The following PALM2AKAP2 variants were observed in gnomAD, a reference collection of about 807,000 sequenced individuals.
PALM2AKAP2 encodes the protein PALM2-AKAP2 fusion protein.
A neutral mutation model predicts 71.5 loss-of-function variants in PALM2AKAP2; 37 were observed. The observed-to-expected ratio is 0.52, with a 90% CI of 0.40 to 0.68. The LOEUF (loss-of-function observed/expected upper bound fraction) is 0.68. Among genes scored for constraint, PALM2AKAP2 ranks in the 30% least tolerant of loss-of-function variants. The probability of loss-of-function intolerance (pLI) is 0.00; values close to 1 mark genes in which losing one functional copy is unlikely to be tolerated. For synonymous variants in PALM2AKAP2, 468 were observed against 478.8 expected (o/e 0.98, Z 0.29); for missense variants, 1,224 against 1,191.8 (o/e 1.03, Z -0.40).
intron 1 of PALM2AKAP2, among the ~76,000 whole-genome samples, chr9:109,818,265 A>G (rs746326924): frequency 2.0e-5 from 3 of 152,192 alleles, no homozygotes; most frequent in Non-Finnish European, 4.4e-5. Flanking sequence ...CCTTGAATAC[A>G]AATAATCTTT....
chr9:109,970,441 C>A (rs961227383), intron 6 of PALM2AKAP2, among the ~76,000 whole-genome samples: 9 of 152,184 alleles, frequency 5.9e-5, no homozygotes, highest in African/African-American at 2.2e-4. Flanking sequence ...TCCTTCTTCA[C>A]CTCTAGAAAT....
In PALM2AKAP2 at chr9:110,125,482, T is replaced by C. The variant is rs769850756; in HGVS notation, c.157-10645T>C. The C allele has an allele frequency of 2.8e-4, 274 of 984,858 alleles. 1 individual carries two copies. The highest frequency in any genetic ancestry group is 3.2e-4 in the Non-Finnish European group (266 of 829,514). The allele number at this position is 984,858 out of a possible 1,614,324, so 61.0% of individuals were successfully genotyped here. A position where few individuals can be genotyped will look rare whatever the true frequency, so the allele number is the denominator to read the frequency against. The stretch of plus-strand genomic sequence containing the variant: ...GAGGGCCCACGGTGACATCACAGTC[T>C]TCCGTCAGGAGGCTCAGGAGGAATT... On this transcript the variant is annotated intron_variant, in intron 1 of 3. Transcript: ENST00000374525.
chr9:109,659,047 A>G (rs1179787217), intron 1 of PALM2AKAP2, among the ~76,000 whole-genome samples: 1 of 152,224 alleles, frequency 6.6e-6, no homozygotes, highest in African/African-American at 2.4e-5. Flanking sequence ...TGAACTATGA[A>G]TGGAAAAGAT....
At chr9:110,074,420 G>A (rs1295030406) in intron 1 of PALM2AKAP2, among the ~76,000 whole-genome samples, 1 of 152,134 alleles carries the variant, frequency 6.6e-6, no homozygotes, top group Non-Finnish European at 1.5e-5. Context: ...AGCCTAGATT[G>A]GATCATTTTA....
chr9:110,087,293 A>G (rs140597313), intron 1 of PALM2AKAP2, among the ~76,000 whole-genome samples: 1 of 152,288 alleles, frequency 6.6e-6, no homozygotes, highest in Non-Finnish European at 1.5e-5. Context: ...TCTTAATACT[A>G]TTAATGTGTC....
At chr9:109,881,459 G>A (rs1030992636) in intron 3 of PALM2AKAP2, among the ~76,000 whole-genome samples, 7 of 152,206 alleles carry the variant, frequency 4.6e-5, no homozygotes, top group African/African-American at 1.2e-4. Flanking sequence ...TGTGAAAACT[G>A]TAGTCAACAG....
chr9:110,135,164 A>AAATATATATATATATATATATAT, intron 1 of PALM2AKAP2, among the ~76,000 whole-genome samples: 3 of 51,698 alleles, frequency 5.8e-5, no homozygotes, highest in South Asian at 7.4e-4. Context: ...AAAAAAAAAA[A>AAATATATATATATATATATATAT]ATATATAAAT....
At chr9:109,692,549 A>G (rs1827913883) in intron 1 of PALM2AKAP2, among the ~76,000 whole-genome samples, 2 of 152,032 alleles carry the variant, frequency 1.3e-5, no homozygotes, top group African/African-American at 2.4e-5. Flanking sequence ...GTTTTTCACC[A>G]TTAGGTATCA....
rs534678846 is a variant in PALM2AKAP2, at chr9:110,100,473, T to C, written c.157-35654T>C. 1.6e-4 allele frequency among the ~76,000 whole-genome samples: 25 copies of C among 152,128 alleles called. 1 individual carries two copies. The East Asian group carries it at 4.8e-3, about 29-fold the overall frequency. On this transcript the variant is annotated intron_variant, in intron 1 of 3. Coordinates refer to ENST00000374525, the Ensembl canonical transcript of PALM2AKAP2. ...TCAGGTTTTGGTTCCTATAAGATGGTGATTCCCTTCCCCCACAAAGGCCTT... is the reference window on the plus strand; with the variant it reads ...TCAGGTTTTGGTTCCTATAAGATGGCGATTCCCTTCCCCCACAAAGGCCTT...
chr9:109,867,246 A>G (rs1176348914), intron 1 of PALM2AKAP2: 1 of 442,732 alleles, frequency 2.3e-6, no homozygotes, highest in Non-Finnish European at 4.3e-6. Flanking sequence ...TTTGGATTAA[A>G]TTCTTGCAGC....
At chr9:109,835,245 A>AGGAGAGGGTTTAGGGAAAGG (rs1828431208) in intron 1 of PALM2AKAP2, among the ~76,000 whole-genome samples, 1 of 104,240 alleles carries the variant, frequency 9.6e-6, no homozygotes, top group Non-Finnish European at 1.9e-5. Flanking sequence ...TTAGGGAAAG[A>AGGAGAGGGTTTAGGGAAAGG]GGAGAGGGTG....
At chr9:109,981,553 T>C (rs1220479877) in intron 6 of PALM2AKAP2, among the ~76,000 whole-genome samples, 1 of 152,196 alleles carries the variant, frequency 6.6e-6, no homozygotes, top group African/African-American at 2.4e-5. Flanking sequence ...AACAGGCTAA[T>C]AAGGAATTAA....
intron 1 of PALM2AKAP2, among the ~76,000 whole-genome samples, chr9:109,720,297 C>A (rs1828385761): frequency 6.6e-6 from 1 of 151,932 alleles, no homozygotes; most frequent in Non-Finnish European, 1.5e-5. Flanking sequence ...CCTATATTTT[C>A]ATTCTTTAGT....
chr9:110,112,370 AAATT>A (rs1835271706), intron 1 of PALM2AKAP2, among the ~76,000 whole-genome samples: 1 of 152,298 alleles, frequency 6.6e-6, no homozygotes, highest in African/African-American at 2.4e-5. Context: ...GTCTTTGGGC[AAATT>A]ACTTAAGCTC....
chr9:110,094,152 G>A (rs1834780021), intron 1 of PALM2AKAP2, among the ~76,000 whole-genome samples: 1 of 152,176 alleles, frequency 6.6e-6, no homozygotes, highest in East Asian at 1.9e-4. Flanking sequence ...TGGCAACATT[G>A]TTGGATACAT....
intron 3 of PALM2AKAP2, among the ~76,000 whole-genome samples, chr9:109,916,912 A>AC (rs1303236767): frequency 6.6e-6 from 1 of 152,034 alleles, no homozygotes; most frequent in Non-Finnish European, 1.5e-5. Context: ...AGAATAATGG[A>AC]CCCCCAGAGA....
upstream of PALM2AKAP2, chr9:110,048,648 C>T (rs969090859): frequency 4.8e-6 from 7 of 1,462,222 alleles, no homozygotes; most frequent in Middle Eastern, 2.4e-4. Flanking sequence ...CAGGAGCAGG[C>T]GGGCGGGGCT....
At chr9:109,694,035 C>T (rs1426484170) in intron 1 of PALM2AKAP2, among the ~76,000 whole-genome samples, 3 of 152,058 alleles carry the variant, frequency 2.0e-5, no homozygotes, top group East Asian at 3.9e-4. Flanking sequence ...CCCCAATCTC[C>T]CCCTTCCCCA....
intron 3 of PALM2AKAP2, among the ~76,000 whole-genome samples, chr9:109,899,421 A>C (rs1251415562): frequency 6.6e-6 from 1 of 152,026 alleles, no homozygotes; most frequent in Non-Finnish European, 1.5e-5. Flanking sequence ...ATTATCTTTC[A>C]TGGGGATTGA....
Sources: allele counts gnomAD v4.1 joint callset (sites outside exome capture counted in the v4.1 genomes callset), GRCh38; gene constraint gnomAD v4.1.1; transcripts MANE v1.5; gene names NCBI Gene and HGNC (gene_info 2026-07-23, HGNC 2026-07-21).